The following OPHN1 variants were observed in gnomAD, a reference collection of about 807,000 sequenced individuals.
OPHN1 encodes oligophrenin-1.
In OPHN1, 11 loss-of-function variants were observed where a neutral mutation model predicts 60.7. The observed-to-expected ratio is 0.18, with a 90% CI of 0.11 to 0.30. OPHN1 has a LOEUF of 0.30. Ranked by LOEUF, OPHN1 falls within the 10% of genes least tolerant of loss-of-function variation. OPHN1 has a pLI of 1.00. For synonymous variants in OPHN1, 226 were observed against 222.6 expected (o/e 1.02, Z -0.14); for missense variants, 449 against 611.0 (o/e 0.73, Z 2.80).
chrX:68,190,342 A>G (rs1886404340), intron 15 of OPHN1, among the ~76,000 whole-genome samples: 6 of 112,393 alleles, frequency 5.3e-5, no homozygotes, highest in Admixed American at 9.4e-5. Context: ...TAGGCACACA[A>G]ATATTTGCTC....
chrX:68,201,798 G>A (rs980654198), intron 10 of OPHN1, 88 bp from the exon 11 acceptor site: 2 of 747,122 alleles, frequency 2.7e-6, no homozygotes, highest in African/African-American at 4.1e-5. Context: ...GTGTCACTTG[G>A]AAGGCGTCTG....
intron 2 of OPHN1, among the ~76,000 whole-genome samples, chrX:68,403,486 T>C (rs926464303): frequency 8.9e-6 from 1 of 111,757 alleles, no homozygotes; most frequent in Non-Finnish European, 1.9e-5. Context: ...TACTCTTCCC[T>C]ACAGATCAGC....
chrX:68,192,737 A>T, intron 15 of OPHN1, 182 bp downstream of exon 15: 1 of 442,307 alleles, frequency 2.3e-6, no homozygotes, highest in East Asian at 3.8e-5. Flanking sequence ...GAGAGATAAC[A>T]GCCATTTTCA....
rs2077502340 is a variant in OPHN1 at position 68,194,515 on chromosome X, A to T, written c.1105-17T>A. 8.5e-7 allele frequency: 1 copy of T among 1,180,399 alleles called. No homozygotes were observed. The highest frequency in any genetic ancestry group is 1.8e-5 in the South Asian group (1 of 56,121). ...GTGGTAGATCTACAAAAGAAGATAAACAGAAAGATCCATGGCTATTGTCAA... is the reference window on the plus strand; with the variant it reads ...GTGGTAGATCTACAAAAGAAGATAATCAGAAAGATCCATGGCTATTGTCAA... On this transcript the variant is annotated splice_polypyrimidine_tract_variant and intron_variant, in intron 12 of 24. Transcript: ENST00000355520.
intron 2 of OPHN1, chrX:68,361,165 C>T (rs2078470340): frequency 9.0e-6 from 1 of 111,692 alleles, no homozygotes; most frequent in Non-Finnish European, 1.9e-5. Context: ...CCCCTTCTCA[C>T]TACTGCACTT....
At chrX:68,277,495 AAAATGT>A (rs1325353411) in intron 4 of OPHN1, among the ~76,000 whole-genome samples, 1 of 112,361 alleles carries the variant, frequency 8.9e-6, no homozygotes, top group Non-Finnish European at 1.9e-5. Context: ...GCAGTTTAAA[AAAATGT>A]AATACAGGCC....
intron 2 of OPHN1, among the ~76,000 whole-genome samples, chrX:68,324,733 T>C (rs1307835257): frequency 4.5e-5 from 5 of 110,863 alleles, no homozygotes; most frequent in African/African-American, 1.6e-4. Context: ...AAAATGTGCA[T>C]GAATTTCATA....
At chrX:68,420,570 T>A (rs2078821546) in intron 2 of OPHN1, among the ~76,000 whole-genome samples, 1 of 111,654 alleles carries the variant, frequency 9.0e-6, no homozygotes, top group South Asian at 3.7e-4. Flanking sequence ...CATTCATAAA[T>A]GGATTCTCTA....
At chrX:68,425,808 G>GTTTT (rs1379131002) in intron 2 of OPHN1, among the ~76,000 whole-genome samples, 1 of 44,406 alleles carries the variant, frequency 2.3e-5, no homozygotes, top group Non-Finnish European at 5.3e-5. Flanking sequence ...ACCTGGACTG[G>GTTTT]ATTCTTTTTT....
intron 2 of OPHN1, among the ~76,000 whole-genome samples, chrX:68,311,130 G>A (rs911691233): frequency 4.5e-5 from 5 of 110,838 alleles, no homozygotes; most frequent in African/African-American, 1.6e-4. Flanking sequence ...ACCAGGAATG[G>A]TGGTGCATGC....
At chrX:68,207,559 C>T (rs944441991) in intron 9 of OPHN1, among the ~76,000 whole-genome samples, 12 of 111,572 alleles carry the variant, frequency 1.1e-4, no homozygotes, top group African/African-American at 3.9e-4. Flanking sequence ...GATCACTCCA[C>T]TCCAATTCAT....
intron 4 of OPHN1, among the ~76,000 whole-genome samples, chrX:68,277,151 G>A (rs576199607): frequency 3.6e-5 from 4 of 112,319 alleles, no homozygotes; most frequent in African/African-American, 1.3e-4. Flanking sequence ...AATGGACCCA[G>A]GGTAGGGGGA....
chrX:68,214,340 C>A (rs2077598554), intron 6 of OPHN1, among the ~76,000 whole-genome samples: 1 of 112,244 alleles, frequency 8.9e-6, no homozygotes, highest in Non-Finnish European at 1.9e-5. Context: ...TTAACAAGGG[C>A]CAAAGCCCAA....
chrX:68,349,483 C>T (rs764729248), intron 2 of OPHN1, among the ~76,000 whole-genome samples: 16 of 111,636 alleles, frequency 1.4e-4, no homozygotes, highest in Admixed American at 1.1e-3. Flanking sequence ...GTCCAACCAT[C>T]GTGGAAGTCA....
At position 68,183,154 on chromosome X, in the gene OPHN1, GA is replaced by G. The variant is rs1016864121; in HGVS notation, c.1276+9764del. Among the ~76,000 whole-genome samples, 6 of 112,001 alleles carry G rather than the reference GA, an allele frequency of 5.4e-5. No homozygotes were observed. The Admixed American group carries it at 5.7e-4, about 11-fold the overall frequency. The stretch of plus-strand genomic sequence containing the variant: ...ATTAAGAAATTCTACTCAAGATGCT[GA>G]AGTGTGAAGCAGAACAGATATACCC... On this transcript the variant is annotated intron_variant, in intron 15 of 24. Coordinates refer to ENST00000355520, the MANE Select transcript of OPHN1 (RefSeq NM_002547.3).
chrX:68,203,286 T>C (rs1432982412), intron 10 of OPHN1, among the ~76,000 whole-genome samples: 1 of 111,116 alleles, frequency 9.0e-6, no homozygotes, highest in Non-Finnish European at 1.9e-5. Flanking sequence ...TCATATTCCA[T>C]CTCTAAGTCT....
At chrX:68,276,693 T>C (rs965104575) in intron 4 of OPHN1, among the ~76,000 whole-genome samples, 1 of 110,948 alleles carries the variant, frequency 9.0e-6, no homozygotes, top group African/African-American at 3.3e-5. Context: ...TGAATGTGAG[T>C]GGGCTTGTTA....
intron 15 of OPHN1, among the ~76,000 whole-genome samples, chrX:68,155,759 A>T (rs2077306746): frequency 1.8e-5 from 2 of 111,906 alleles, no homozygotes; most frequent in African/African-American, 3.3e-5. Flanking sequence ...CTTACTAGAA[A>T]ACCCAACCTG....
At chrX:68,161,448 A>G (rs1457041070) in intron 15 of OPHN1, among the ~76,000 whole-genome samples, 1 of 111,206 alleles carries the variant, frequency 9.0e-6, no homozygotes, top group Non-Finnish European at 1.9e-5. Context: ...ATTTAAAAAT[A>G]TTCCACTTCA....
Sources: gnomAD v4.1 joint callset for allele counts (sites outside exome capture counted in the v4.1 genomes callset) on GRCh38, gnomAD v4.1.1 for gene constraint, MANE v1.5 for transcripts, NCBI Gene and HGNC (gene_info 2026-07-23, HGNC 2026-07-21) for gene names.